The following WWC2 variants were observed in gnomAD, a reference collection of about 807,000 sequenced individuals.
WWC2 encodes WW and C2 domain containing 2, also known as protein WWC2.
WWC2 carries 101 observed loss-of-function variants against 138.5 expected under a neutral mutation model. The ratio of observed to expected loss-of-function variants is 0.73; its 90% CI spans 0.62 to 0.86. The LOEUF (loss-of-function observed/expected upper bound fraction) is 0.86, where lower values mean the gene tolerates loss of function less well. Among genes scored for constraint, WWC2 ranks in the 40% least tolerant of loss-of-function variants. The pLI is 0.00. For missense variants in WWC2, 1,420 were observed against 1,419.4 expected (o/e 1.00, Z -0.01); for synonymous variants, 558 against 538.4 (o/e 1.04, Z -0.50).
At chr4:183,141,582 CAGTT>C (rs1468035779) in intron 1 of WWC2, among the ~76,000 whole-genome samples, 4 of 152,124 alleles carry the variant, frequency 2.6e-5, no homozygotes, top group African/African-American at 4.8e-5. Flanking sequence ...TAATGAGTGT[CAGTT>C]AAAAATTATT....
At chr4:183,302,215 C>T (rs933062737) in intron 21 of WWC2, among the ~76,000 whole-genome samples, 7 of 152,144 alleles carry the variant, frequency 4.6e-5, no homozygotes, top group South Asian at 2.1e-4. Flanking sequence ...TCAGTTTGGC[C>T]GTGAACCATA....
intron 1 of WWC2, among the ~76,000 whole-genome samples, chr4:183,169,292 C>T (rs776838520): frequency 2.6e-5 from 4 of 152,120 alleles, no homozygotes; most frequent in Non-Finnish European, 4.4e-5. Context: ...TGAAATTTTA[C>T]GTGTTGCTAT....
intron 21 of WWC2, 94 bp downstream of exon 21, chr4:183,289,729 G>C: frequency 6.6e-7 from 1 of 1,513,838 alleles, no homozygotes; most frequent in South Asian, 1.3e-5. Flanking sequence ...TCTGTTTTGC[G>C]CATAAGTCTT....
At chr4:183,125,162 A>T (rs570192601) in intron 1 of WWC2, among the ~76,000 whole-genome samples, 277 of 152,290 alleles carry the variant, frequency 1.8e-3, no homozygotes, top group Admixed American at 4.1e-3. Flanking sequence ...AAGCTTTTAT[A>T]TCAAATAAGG....
At chr4:183,252,478 C>T (rs1737009959) in intron 8 of WWC2, among the ~76,000 whole-genome samples, 1 of 152,226 alleles carries the variant, frequency 6.6e-6, no homozygotes, top group Non-Finnish European at 1.5e-5. Flanking sequence ...GTAATGTTAA[C>T]TCTACCATGT....
Position 183,271,242 on chromosome 4 carries a change from G to A in WWC2, c.2562+1G>A. On this transcript the variant is annotated splice_donor_variant, in intron 16 of 22. Coordinates refer to ENST00000403733, the MANE Select transcript of WWC2 (RefSeq NM_024949.6). LOFTEE classifies it high-confidence loss of function. ...GCCGTTAGTAGATTCTATAGACTTG[G>A]TGAGTCAAAATTAGAGTATAATATG... 1.2e-6 allele frequency: 2 copies of A among 1,600,320 alleles called. No homozygotes were observed. The highest frequency in any genetic ancestry group is 2.2e-5 in the East Asian group (1 of 44,540).
chr4:183,263,839 G>C (rs1208330111), intron 11 of WWC2, among the ~76,000 whole-genome samples: 1 of 152,158 alleles, frequency 6.6e-6, no homozygotes, highest in Non-Finnish European at 1.5e-5. Context: ...TGGGGTGGTG[G>C]CTCCCTATCA....
At chr4:183,250,052 C>T in intron 8 of WWC2, 59 bp downstream of exon 8, 4 of 1,489,264 alleles carry the variant, frequency 2.7e-6, no homozygotes, top group Non-Finnish European at 3.7e-6. Context: ...CAGAATTAAT[C>T]TTTACTCCTG....
intron 2 of WWC2, among the ~76,000 whole-genome samples, chr4:183,201,127 G>A (rs1034609149): frequency 2.6e-5 from 4 of 152,146 alleles, no homozygotes; most frequent in Non-Finnish European, 4.4e-5. Context: ...GAGAAGTTTG[G>A]ACTCTTATTG....
chr4:183,220,327 TG>T (rs749056213), intron 4 of WWC2, among the ~76,000 whole-genome samples: 62 of 152,242 alleles, frequency 4.1e-4, no homozygotes, highest in Non-Finnish European at 6.5e-4. Flanking sequence ...GCTAAGTCTG[TG>T]GTAATTTGTC....
intron 1 of WWC2, among the ~76,000 whole-genome samples, chr4:183,188,643 CTTTTTTTTTT>C (rs11341026): frequency 5.0e-5 from 4 of 79,754 alleles, no homozygotes; most frequent in African/African-American, 1.9e-4. Flanking sequence ...TTGCTCCTTT[CTTTTTTTTTT>C]TTTTTTTTTG....
rs1201910388 is a variant in WWC2, at chr4:183,247,858, C to T, written c.733-856C>T. Among the ~76,000 whole-genome samples the T allele has an allele frequency of 9.6e-5, 14 of 145,140 alleles. No individual in the cohort carries two copies. In the Admixed American group the frequency reaches 9.9e-4, roughly 10 times the overall value. ...GAAAGTTAGGTAAAAAATTTCAGAT[C>T]TCTGATATTTCTAATTCCTCCTAAT... On this transcript the variant is annotated intron_variant, in intron 6 of 22. Transcript: ENST00000403733.
chr4:183,303,422 A>G (rs1580167416), intron 21 of WWC2, among the ~76,000 whole-genome samples: 1 of 152,288 alleles, frequency 6.6e-6, no homozygotes, highest in Admixed American at 6.5e-5. Context: ...ATCCTAAGTT[A>G]ATAACTAGGC....
chr4:183,240,535 G>A (rs1202740291), intron 5 of WWC2: 1 of 271,908 alleles, frequency 3.7e-6, no homozygotes, highest in African/African-American at 2.2e-5. Context: ...TTTATCTCCT[G>A]GACCCTTGCT....
Position 183,182,088 on chromosome 4 carries a change from A to T in WWC2, c.132-11511A>T, listed in dbSNP as rs564649370. ...CATAGCCTAGAGTGAAACACATCAC[A>T]TTGTTAACTGGGATTATTCCTATGT... On this transcript the variant is annotated intron_variant, in intron 1 of 22. Coordinates refer to ENST00000403733, the MANE Select transcript of WWC2 (RefSeq NM_024949.6). Among the ~76,000 whole-genome samples, 200 of 152,314 alleles carry T rather than the reference A, an allele frequency of 1.3e-3. 2 individuals are homozygous for T. The highest frequency in any genetic ancestry group is 3.4e-3 in the Middle Eastern group (1 of 294).
chr4:183,279,556 A>G (rs150299619), intron 16 of WWC2, among the ~76,000 whole-genome samples: 3,260 of 152,304 alleles, frequency 0.021, 119 homozygotes, highest in African/African-American at 0.074. Context: ...GATTGGTACC[A>G]GTTCCTCCTT....
intron 22 of WWC2, among the ~76,000 whole-genome samples, chr4:183,314,184 C>A (rs1016329075): frequency 6.6e-6 from 1 of 152,044 alleles, no homozygotes; most frequent in Non-Finnish European, 1.5e-5. Flanking sequence ...GAGGTTTTTC[C>A]ACCCTCTTTT....
intron 2 of WWC2, among the ~76,000 whole-genome samples, chr4:183,197,808 G>A (rs1348935107): frequency 6.6e-6 from 1 of 152,110 alleles, no homozygotes. Flanking sequence ...TGTATTTTGG[G>A]TGGACTTTGA....
intron 21 of WWC2, among the ~76,000 whole-genome samples, chr4:183,293,560 A>G (rs962467663): frequency 1.3e-5 from 2 of 152,206 alleles, no homozygotes; most frequent in African/African-American, 4.8e-5. Context: ...AATCAAACAC[A>G]AGACATTCAA....
Sources: gnomAD v4.1 joint callset for allele counts (sites outside exome capture counted in the v4.1 genomes callset) on GRCh38, gnomAD v4.1.1 for gene constraint, MANE v1.5 for transcripts, NCBI Gene and HGNC (gene_info 2026-07-23, HGNC 2026-07-21) for gene names.